CDON: variants seen among roughly 807,000 people sequenced by gnomAD.
The protein encoded by CDON is cell adhesion molecule-related/down-regulated by oncogenes.
CDON carries 73 observed loss-of-function variants against 120.9 expected under a neutral mutation model. The ratio of observed to expected loss-of-function variants is 0.60; its 90% CI spans 0.50 to 0.73. CDON has a LOEUF of 0.73. Among genes scored for constraint, CDON ranks in the 30% least tolerant of loss-of-function variants. The pLI is 0.00. For synonymous variants in CDON, 566 were observed against 573.5 expected (o/e 0.99, Z 0.19); for missense variants, 1,470 against 1,587.3 (o/e 0.93, Z 1.26).
intron 1 of CDON, among the ~76,000 whole-genome samples, chr11:126,044,360 G>C (rs1435505127): frequency 1.3e-5 from 2 of 152,152 alleles, no homozygotes; most frequent in African/African-American, 2.4e-5. Flanking sequence ...ACTACGGTAA[G>C]ATCTAGCAAT....
intron 18 of CDON, among the ~76,000 whole-genome samples, chr11:125,962,963 T>C (rs930405899): frequency 1.3e-5 from 2 of 152,190 alleles, no homozygotes; most frequent in African/African-American, 2.4e-5. Flanking sequence ...TGACTTTTTT[T>C]CCCTTAAGTA....
chr11:126,061,113 G>T (rs920946178), intron 1 of CDON, among the ~76,000 whole-genome samples: 2 of 152,178 alleles, frequency 1.3e-5, no homozygotes, highest in African/African-American at 4.8e-5. Flanking sequence ...CAAACACTGG[G>T]AAGTTTTTGC....
Position 125,981,432 on chromosome 11 carries a change from ACACACG to A in CDON, c.2996-109_2996-104del, listed in dbSNP as rs1946298989. 44 of 1,197,840 alleles carry A rather than the reference ACACACG, an allele frequency of 3.7e-5. No homozygotes were observed. The Admixed American group carries it at 5.4e-4, about 15-fold the overall frequency. 74.2% of individuals were successfully genotyped at this position (1,197,840 alleles called of 1,614,324 possible). A position where few individuals can be genotyped will look rare whatever the true frequency, so the allele number is the denominator to read the frequency against. On this transcript the variant is annotated intron_variant, in intron 16 of 19. Coordinates refer to ENST00000531738, the MANE Select transcript of CDON (RefSeq NM_001378964.1). ...CACACATGCACATACGCACACACGC[ACACACG>A]CACACAGTAAGACACTAAAAAGGAC...
intron 18 of CDON, among the ~76,000 whole-genome samples, chr11:125,971,383 T>A (rs1047911519): frequency 2.4e-5 from 1 of 41,666 alleles, no homozygotes; most frequent in Non-Finnish European, 6.8e-5. Context: ...ACTCTGTCTC[T>A]AAATAAATAA....
rs139579849 is a variant in CDON at position 126,035,051 on chromosome 11, C to T, written c.-61-11514G>A. Among the ~76,000 whole-genome samples the T allele has an allele frequency of 4.9e-4, 74 of 152,284 alleles. 1 individual carries two copies. The East Asian group carries it at 0.012, about 25-fold the overall frequency. On this transcript the variant is annotated intron_variant, in intron 1 of 19. Coordinates refer to ENST00000531738, the MANE Select transcript of CDON (RefSeq NM_001378964.1). ...TTAACGTAGTTGTTAACAGGTCCAG[C>T]GCTTTGCTTAGACCCTACTGACTTA...
intron 14 of CDON, among the ~76,000 whole-genome samples, chr11:125,992,039 G>GTGATGA (rs1169022598): frequency 6.6e-6 from 1 of 152,126 alleles, no homozygotes; most frequent in African/African-American, 2.4e-5. Flanking sequence ...ACCAAGAAGG[G>GTGATGA]TGATGATGAT....
intron 1 of CDON, among the ~76,000 whole-genome samples, chr11:126,040,685 G>A (rs1388412486): frequency 2.6e-5 from 4 of 151,248 alleles, no homozygotes; most frequent in South Asian, 2.1e-4. Context: ...CCTGGTGGCC[G>A]GCGCCTGTAG....
intron 14 of CDON, among the ~76,000 whole-genome samples, chr11:125,993,855 T>C (rs1404741353): frequency 6.6e-6 from 1 of 152,250 alleles, no homozygotes; most frequent in Non-Finnish European, 1.5e-5. Context: ...CTTTCTTTTC[T>C]ACATGCATTC....
chr11:126,016,514 C>T (rs1484133470), intron 6 of CDON, among the ~76,000 whole-genome samples: 4 of 152,182 alleles, frequency 2.6e-5, no homozygotes, highest in Admixed American at 6.5e-5. Flanking sequence ...CTCACTGCAA[C>T]CTCCACCTCC....
At chr11:125,975,579 C>T (rs942997006) in intron 18 of CDON, among the ~76,000 whole-genome samples, 9 of 152,166 alleles carry the variant, frequency 5.9e-5, no homozygotes, top group African/African-American at 1.7e-4. Flanking sequence ...ATTATTCCAG[C>T]GGTTCTCAAA....
chr11:126,049,291 T>C (rs1948495055), intron 1 of CDON, among the ~76,000 whole-genome samples: 2 of 152,218 alleles, frequency 1.3e-5, no homozygotes, highest in African/African-American at 4.8e-5. Flanking sequence ...GGTTCTGATA[T>C]TATATGAGCT....
At chr11:126,009,836 A>C (rs1262113068) in intron 8 of CDON, among the ~76,000 whole-genome samples, 4 of 152,228 alleles carry the variant, frequency 2.6e-5, no homozygotes, top group African/African-American at 9.6e-5. Flanking sequence ...TATAGTTTTT[A>C]AGTCATCATC....
chr11:125,997,391 C>T lies in CDON; in HGVS notation c.2178G>A (p.Arg726=). 1 of 1,613,152 alleles carries T rather than the reference C, an allele frequency of 6.2e-7. No homozygotes were observed. Among genetic ancestry groups the T allele is most frequent in the Admixed American group, 1.7e-5 (1 of 59,936 alleles). ...RHSGVPEAPD[R]PTISTASETS... is the part of the protein sequence containing the mutation. ...TCTCTGATGCAGTGGAGATGGTAGG[C>T]CGATCTGGTGCCTCTGGAACTAAAC... is the stretch of plus-strand genomic sequence containing the variant. Residue 726 remains arginine (R), a synonymous_variant, in exon 12 of 20, where the codon CGG becomes CGA. Coordinates refer to ENST00000531738, the MANE Select transcript of CDON (RefSeq NM_001378964.1).
intron 14 of CDON, among the ~76,000 whole-genome samples, chr11:125,992,784 C>T (rs1219585253): frequency 2.0e-5 from 3 of 152,270 alleles, no homozygotes; most frequent in Middle Eastern, 3.4e-3. Context: ...ATAACACAAA[C>T]TATATGCAGT....
At chr11:125,970,502 C>G (rs1027394536) in intron 18 of CDON, among the ~76,000 whole-genome samples, 1 of 152,044 alleles carries the variant, frequency 6.6e-6, no homozygotes, top group Non-Finnish European at 1.5e-5. Flanking sequence ...CCACTCACCT[C>G]TGCTGTTTCC....
chr11:126,061,375 T>A (rs1948790924), intron 1 of CDON, among the ~76,000 whole-genome samples: 1 of 152,198 alleles, frequency 6.6e-6, no homozygotes, highest in South Asian at 2.1e-4. Context: ...TTCCAGAAAA[T>A]TTTTTGAAGG....
At chr11:126,036,727 T>C (rs1948106980) in intron 1 of CDON, among the ~76,000 whole-genome samples, 1 of 152,234 alleles carries the variant, frequency 6.6e-6, no homozygotes, top group Non-Finnish European at 1.5e-5. Context: ...CTCGCTCTGC[T>C]GCCCGGACTG....
At chr11:125,965,782 T>C (rs544130866) in intron 18 of CDON, among the ~76,000 whole-genome samples, 1 of 152,310 alleles carries the variant, frequency 6.6e-6, no homozygotes, top group East Asian at 1.9e-4. Context: ...AAGTAAATCC[T>C]TTCTAGAGGG....
chr11:125,980,582 C>T (rs1211936633), intron 17 of CDON, among the ~76,000 whole-genome samples: 5 of 152,086 alleles, frequency 3.3e-5, no homozygotes, highest in Non-Finnish European at 5.9e-5. Context: ...CAGTCCATGA[C>T]GACTGTAAGT....
Sources: gnomAD v4.1 joint callset for allele counts (sites outside exome capture counted in the v4.1 genomes callset) on GRCh38, gnomAD v4.1.1 for gene constraint, MANE v1.5 for transcripts, NCBI Gene and HGNC (gene_info 2026-07-23, HGNC 2026-07-21) for gene names.